The following BEGAIN variants were observed in gnomAD, a reference collection of about 807,000 sequenced individuals.
The protein encoded by BEGAIN is brain-enriched guanylate kinase-associated protein.
A neutral mutation model predicts 35.8 loss-of-function variants in BEGAIN; 19 were observed. The observed-to-expected ratio is 0.53, with a 90% CI of 0.37 to 0.78. The LOEUF (loss-of-function observed/expected upper bound fraction) is 0.78. Ranked by LOEUF, BEGAIN falls within the 30% of genes least tolerant of loss-of-function variation. BEGAIN has a pLI of 0.00. For missense variants in BEGAIN, 795 were observed against 853.6 expected, an observed-to-expected ratio of 0.93 and a Z score of 0.85; for synonymous variants, 462 against 388.6, an observed-to-expected ratio of 1.19 and a Z score of -2.22.
At chr14:100,546,948 G>C (rs1314467043) in intron 2 of BEGAIN, 2 of 298,852 alleles carry the variant, frequency 6.7e-6, no homozygotes, top group Non-Finnish European at 6.3e-6. Context: ...AATCCCAGGT[G>C]GTGGCTGGAG....
chr14:100,577,796 G>A (rs1005710691), intron 1 of BEGAIN: 20 of 399,204 alleles, frequency 5.0e-5, no homozygotes, highest in East Asian at 1.1e-4. Flanking sequence ...TTGGGGTTCC[G>A]ACCTTGGCTG....
rs562041203 is a variant in BEGAIN at position 100,580,271 on chromosome 14, C to T, written c.42+6978G>A. 3.3e-5 allele frequency among the ~76,000 whole-genome samples: 5 copies of T among 152,230 alleles called. No homozygotes were observed. In the South Asian group the frequency reaches 1.0e-3, roughly 32 times the overall value. On this transcript the variant is annotated intron_variant, in intron 1 of 6. Coordinates refer to ENST00000554140, the MANE Select transcript of BEGAIN (RefSeq NM_001385089.1). ...TGAGCTGAGATCACACCACTGCACT[C>T]CAGCCTGGGTGACAGGGCAAGACTC...
intron 2 of BEGAIN, among the ~76,000 whole-genome samples, chr14:100,562,695 C>T (rs2034367574): frequency 6.6e-6 from 1 of 152,174 alleles, no homozygotes; most frequent in Non-Finnish European, 1.5e-5. Flanking sequence ...GCTCCCTCTG[C>T]CTGGACCTCC....
At position 100,584,007 on chromosome 14, in the gene BEGAIN, T is replaced by G. The variant is rs2035382514; in HGVS notation, c.42+3242A>C. Among the ~76,000 whole-genome samples the G allele has an allele frequency of 3.3e-5, 5 of 152,330 alleles. No individual in the cohort carries two copies. In the South Asian group the frequency reaches 1.0e-3, roughly 32 times the overall value. The stretch of plus-strand genomic sequence containing the variant: ...AGCCGCTGCGCCCAGCCTATCCCTC[T>G]AGGTTTCTACCCATCCATCCGCTGC... On this transcript the variant is annotated intron_variant, in intron 1 of 6. Coordinates refer to ENST00000554140, the MANE Select transcript of BEGAIN (RefSeq NM_001385089.1).
At chr14:100,543,217 TTCTC>T (rs752603141) in intron 5 of BEGAIN, among the ~76,000 whole-genome samples, 34 of 152,152 alleles carry the variant, frequency 2.2e-4, no homozygotes, top group Non-Finnish European at 4.1e-4. Context: ...CGCTTTCTGT[TTCTC>T]TATAGCATTT....
rs1442440125 is a variant in BEGAIN, at chr14:100,558,630, T to A, written c.71+9281A>T. Among the ~76,000 whole-genome samples, 1 of 152,152 alleles carries A rather than the reference T, an allele frequency of 6.6e-6. No individual in the cohort carries two copies. Among genetic ancestry groups the A allele is most frequent in the Non-Finnish European group, 1.5e-5 (1 of 68,014 alleles). On this transcript the variant is annotated intron_variant, in intron 2 of 6. Coordinates refer to ENST00000554140, the MANE Select transcript of BEGAIN (RefSeq NM_001385089.1). This position sits in a 1 kb window ranked among gnomAD's most constrained non-coding sequence, Gnocchi z 4.6. ...GGCGCAGCTGAGCTCCCATCGCCCC[T>A]ACAAATCCACAGCCTACCCCCACAC...
intron 2 of BEGAIN, among the ~76,000 whole-genome samples, chr14:100,553,061 A>C (rs1706781987): frequency 1.3e-5 from 2 of 152,272 alleles, no homozygotes; most frequent in South Asian, 4.1e-4. Flanking sequence ...CCTCCAGGGC[A>C]CATCTCCTCT....
chr14:100,571,993 G>A (rs536826658), intron 1 of BEGAIN, among the ~76,000 whole-genome samples: 10 of 152,306 alleles, frequency 6.6e-5, no homozygotes, highest in African/African-American at 2.4e-4. Flanking sequence ...GAAGCCCTGC[G>A]GTGAGCAGGT....
Position 100,538,923 on chromosome 14 carries a change from C to G in BEGAIN, c.885G>C (p.Ala295=). The change falls in exon 7 of 7, where the codon GCG becomes GCC. Residue 295 remains alanine (A), a synonymous_variant. Coordinates refer to ENST00000554140, the MANE Select transcript of BEGAIN (RefSeq NM_001385089.1). ...AAEEEEEAEA[A]AFPAGFQHEA... ...CATGCTGGAAGCCCGCCGGGAAGGC[C>G]GCCGCCTCGGCCTCCTCCTCCTCCT... 3 of 1,607,796 alleles carry G rather than the reference C, an allele frequency of 1.9e-6. No individual in the cohort carries two copies. Among genetic ancestry groups the G allele is most frequent in the Admixed American group, 1.7e-5 (1 of 59,718 alleles).
intron 1 of BEGAIN, among the ~76,000 whole-genome samples, chr14:100,585,452 C>T (rs1399367651): frequency 1.4e-5 from 2 of 141,380 alleles, no homozygotes; most frequent in African/African-American, 5.3e-5. Context: ...ATCCATCCAT[C>T]CATCCATTCA....
At chr14:100,545,937 A>C (rs1199643941) in intron 3 of BEGAIN, 1 of 152,344 alleles carries the variant, frequency 6.6e-6, no homozygotes, top group East Asian at 1.9e-4. Context: ...TCTGTTTAAG[A>C]AGATGAGAAA....
chr14:100,549,959 A>C (rs530429114), intron 2 of BEGAIN: 1 of 153,226 alleles, frequency 6.5e-6, no homozygotes, highest in Non-Finnish European at 1.5e-5. Context: ...GGCTGGGGCC[A>C]CCCTTCCAGG....
rs1443535504 is a variant in BEGAIN at position 100,586,021 on chromosome 14, T to C, written c.42+1228A>G. On this transcript the variant is annotated intron_variant, in intron 1 of 6. Coordinates refer to ENST00000554140, the MANE Select transcript of BEGAIN (RefSeq NM_001385089.1). The surrounding 1 kb of genome is among the most constrained non-coding windows in gnomAD (Gnocchi z 4.9). Reference sequence around the variant, plus strand: ...TGCAGGATGCTGCTGGGGCCCTCTCTGCCGTCTCCCCGCCCTGCGTGTCAC... The same window carrying C: ...TGCAGGATGCTGCTGGGGCCCTCTCCGCCGTCTCCCCGCCCTGCGTGTCAC... Among the ~76,000 whole-genome samples the C allele has an allele frequency of 6.6e-6, 1 of 152,216 alleles. No homozygotes were observed. The highest frequency in any genetic ancestry group is 1.9e-4 in the East Asian group (1 of 5,178).
chr14:100,551,348 C>T (rs1013930594), intron 2 of BEGAIN, among the ~76,000 whole-genome samples: 4 of 152,158 alleles, frequency 2.6e-5, no homozygotes, highest in African/African-American at 4.8e-5. Context: ...CAGAGACGCC[C>T]GGGCAGCCCT....
chr14:100,556,988 G>C (rs1595129550), intron 2 of BEGAIN, among the ~76,000 whole-genome samples: 1 of 152,330 alleles, frequency 6.6e-6, no homozygotes, highest in Non-Finnish European at 1.5e-5. Flanking sequence ...CTGGGTAGCT[G>C]CATGGCTGAA....
rs2034476555 is a variant in BEGAIN, at chr14:100,563,879, A to G, written c.71+4032T>C. 6.6e-6 allele frequency among the ~76,000 whole-genome samples: 1 copy of G among 152,192 alleles called. No individual in the cohort carries two copies. Among genetic ancestry groups the G allele is most frequent in the Admixed American group, 6.5e-5 (1 of 15,288 alleles). Reference sequence around the variant, plus strand: ...CCACCTACCACCACAAGGGACCCTCACAAACAGAATAGTTTTGGTGAAAAA... The same window carrying G: ...CCACCTACCACCACAAGGGACCCTCGCAAACAGAATAGTTTTGGTGAAAAA... On this transcript the variant is annotated intron_variant, in intron 2 of 6. Coordinates refer to ENST00000554140, the MANE Select transcript of BEGAIN (RefSeq NM_001385089.1). The surrounding 1 kb of genome is among the most constrained non-coding windows in gnomAD (Gnocchi z 4.2).
intron 2 of BEGAIN, among the ~76,000 whole-genome samples, chr14:100,559,428 A>T (rs1225081009): frequency 6.6e-6 from 1 of 152,252 alleles, no homozygotes; most frequent in Non-Finnish European, 1.5e-5. Flanking sequence ...CCGGCCCCAT[A>T]GCCAGGAACG....
At chr14:100,569,019 C>T (rs2034963791) in intron 1 of BEGAIN, 2 of 897,226 alleles carry the variant, frequency 2.2e-6, no homozygotes, top group Non-Finnish European at 2.7e-6. Flanking sequence ...CCCCGCCGGG[C>T]GAGGGCGCAG....
At chr14:100,574,334 AG>A (rs1208239435) in intron 1 of BEGAIN, among the ~76,000 whole-genome samples, 1 of 152,172 alleles carries the variant, frequency 6.6e-6, no homozygotes, top group Non-Finnish European at 1.5e-5. Context: ...TCGGCTGCAG[AG>A]GTGACCCTGT....
Sources: allele counts gnomAD v4.1 joint callset (sites outside exome capture counted in the v4.1 genomes callset), GRCh38; gene constraint gnomAD v4.1.1; non-coding constraint Gnocchi (gnomAD v3.1); transcripts MANE v1.5; gene names NCBI Gene and HGNC (gene_info 2026-07-23, HGNC 2026-07-21).